The following CDH13 variants were observed in gnomAD, a reference collection of about 807,000 sequenced individuals.
CDH13 encodes cadherin-13.
A neutral mutation model predicts 63.8 loss-of-function variants in CDH13; 24 were observed. That is an observed-to-expected ratio of 0.38 (90% CI 0.27 to 0.53). CDH13 has a LOEUF of 0.53. Among genes scored for constraint, CDH13 ranks in the 20% least tolerant of loss-of-function variants. The pLI is 0.85. For missense variants in CDH13, 1,049 were observed against 903.1 expected (o/e 1.16, Z -2.07); for synonymous variants, 503 against 355.3 (o/e 1.42, Z -4.67).
intron 2 of CDH13, among the ~76,000 whole-genome samples, chr16:83,004,536 A>G (rs970056154): frequency 2.0e-5 from 3 of 152,072 alleles, no homozygotes; most frequent in African/African-American, 7.2e-5. Context: ...ACTGAGTCTC[A>G]TTCTGTCACC....
chr16:83,612,710 T>C (rs992202269), intron 8 of CDH13, among the ~76,000 whole-genome samples: 2 of 152,074 alleles, frequency 1.3e-5, no homozygotes, highest in African/African-American at 4.8e-5. Context: ...TTCTGAGAAA[T>C]TGCAATATAT....
intron 6 of CDH13, among the ~76,000 whole-genome samples, chr16:83,461,067 G>A (rs537753203): frequency 6.6e-6 from 1 of 151,634 alleles, no homozygotes; most frequent in Non-Finnish European, 1.5e-5. Flanking sequence ...AAAGGTAGCA[G>A]GCTAAGATCA....
At chr16:83,169,508 AATG>A (rs2037831809) in intron 4 of CDH13, among the ~76,000 whole-genome samples, 1 of 151,944 alleles carries the variant, frequency 6.6e-6, no homozygotes, top group Non-Finnish European at 1.5e-5. Context: ...GATTGATGAA[AATG>A]ATAAGGTACT....
chr16:83,574,881 A>C (rs1904965290), intron 7 of CDH13, among the ~76,000 whole-genome samples: 1 of 152,238 alleles, frequency 6.6e-6, no homozygotes, highest in African/African-American at 2.4e-5. Context: ...GTAATTTCTA[A>C]AGGGAACAAT....
At chr16:82,686,325 G>T (rs559302340) in intron 1 of CDH13, among the ~76,000 whole-genome samples, 1 of 152,136 alleles carries the variant, frequency 6.6e-6, no homozygotes, top group Non-Finnish European at 1.5e-5. Context: ...CTGGTTCTGC[G>T]GAGAGCCATG....
At chr16:83,287,464 C>A (rs186944777) in intron 5 of CDH13, among the ~76,000 whole-genome samples, 45 of 151,974 alleles carry the variant, frequency 3.0e-4, no homozygotes, top group African/African-American at 1.1e-3. Context: ...GCTCCACCTC[C>A]TGTCAGATCA....
At chr16:82,956,501 A>C (rs1906126052) in intron 2 of CDH13, among the ~76,000 whole-genome samples, 1 of 152,148 alleles carries the variant, frequency 6.6e-6, no homozygotes, top group Non-Finnish European at 1.5e-5. Context: ...CCTTGCTCCA[A>C]ATGGCAGCTG....
chr16:83,564,023 G>A (rs1351762028), intron 7 of CDH13, among the ~76,000 whole-genome samples: 1 of 152,140 alleles, frequency 6.6e-6, no homozygotes, highest in East Asian at 1.9e-4. Flanking sequence ...CTGCAAAATG[G>A]GGATGTAGTA....
At chr16:83,704,028 C>A (rs919904656) in intron 10 of CDH13, among the ~76,000 whole-genome samples, 1 of 152,212 alleles carries the variant, frequency 6.6e-6, no homozygotes, top group Non-Finnish European at 1.5e-5. Flanking sequence ...AAAGACATTT[C>A]TTGGCATCTA....
intron 6 of CDH13, among the ~76,000 whole-genome samples, chr16:83,484,805 G>A (rs923419): frequency 0.2 from 29,768 of 152,100 alleles, 2,966 homozygotes; most frequent in Middle Eastern, 0.26. Flanking sequence ...CACAAAAATG[G>A]TATCACTATC....
At chr16:83,025,805 G>T (rs576730460) in intron 2 of CDH13, among the ~76,000 whole-genome samples, 3 of 152,178 alleles carry the variant, frequency 2.0e-5, no homozygotes, top group East Asian at 1.9e-4. Context: ...GAAATGTGGA[G>T]ACCTGGCACC....
intron 2 of CDH13, among the ~76,000 whole-genome samples, chr16:82,957,505 A>G (rs1315261566): frequency 6.6e-6 from 1 of 152,164 alleles, no homozygotes; most frequent in Non-Finnish European, 1.5e-5. Flanking sequence ...CTCTTTACAA[A>G]TGATAAAATT....
chr16:82,762,423 T>C (rs564173993), intron 1 of CDH13, among the ~76,000 whole-genome samples: 12 of 152,356 alleles, frequency 7.9e-5, no homozygotes, highest in Non-Finnish European at 1.6e-4. Flanking sequence ...TCTCAAGTGC[T>C]GTAGCTAAAG....
chr16:82,714,354 G>A (rs2032195070), intron 1 of CDH13, among the ~76,000 whole-genome samples: 1 of 152,108 alleles, frequency 6.6e-6, no homozygotes, highest in Non-Finnish European at 1.5e-5. Flanking sequence ...GGTCTTTGCA[G>A]ATAATCAAAT....
At chr16:82,732,171 C>G (rs1222837224) in intron 1 of CDH13, among the ~76,000 whole-genome samples, 1 of 152,172 alleles carries the variant, frequency 6.6e-6, no homozygotes, top group Non-Finnish European at 1.5e-5. Context: ...AGACTGCACG[C>G]TTCCCCAGGT....
At chr16:82,688,657 G>T (rs998757055) in intron 1 of CDH13, among the ~76,000 whole-genome samples, 2 of 152,170 alleles carry the variant, frequency 1.3e-5, no homozygotes, top group East Asian at 1.9e-4. Flanking sequence ...GATATTGTTT[G>T]TAACAAGAAA....
chr16:83,745,118 T>C (rs1912450071), intron 10 of CDH13, among the ~76,000 whole-genome samples: 1 of 152,206 alleles, frequency 6.6e-6, no homozygotes, highest in African/African-American at 2.4e-5. Context: ...TGGAAGCTCC[T>C]GGAGCGGTGT....
At chr16:83,534,673 A>T (rs1375028326) in intron 7 of CDH13, among the ~76,000 whole-genome samples, 1 of 152,212 alleles carries the variant, frequency 6.6e-6, no homozygotes, top group Non-Finnish European at 1.5e-5. Context: ...TCATAGCTGA[A>T]TAGTATTCCA....
chr16:83,365,357 A>G (rs896647260), intron 6 of CDH13, among the ~76,000 whole-genome samples: 1 of 152,226 alleles, frequency 6.6e-6, no homozygotes, highest in African/African-American at 2.4e-5. Flanking sequence ...GGCCCACCAC[A>G]TTAGGAAGGG....
Sources: allele counts gnomAD v4.1 joint callset (sites outside exome capture counted in the v4.1 genomes callset), GRCh38; gene constraint gnomAD v4.1.1; transcripts MANE v1.5; gene names NCBI Gene and HGNC (gene_info 2026-07-23, HGNC 2026-07-21).